The following LZTFL1 variants were observed in gnomAD, a reference collection of about 807,000 sequenced individuals.
LZTFL1 encodes the protein leucine zipper transcription factor like 1, also known as leucine zipper transcription factor-like protein 1.
Under a neutral mutation model 45.9 loss-of-function variants are expected in LZTFL1, and 25 were observed. That is an observed-to-expected ratio of 0.54 (90% CI 0.40 to 0.76). The LOEUF is 0.76. LZTFL1 is among the 30% of genes least tolerant of loss of function. The pLI, the probability that LZTFL1 is intolerant of heterozygous loss-of-function variation, is 0.00. For missense variants in LZTFL1, 277 were observed against 331.1 expected (o/e 0.84, Z 1.27); for synonymous variants, 93 against 117.4 (o/e 0.79, Z 1.35).
intron 3 of LZTFL1, among the ~76,000 whole-genome samples, chr3:45,855,554 C>A (rs1448688336): frequency 6.6e-6 from 1 of 152,130 alleles, no homozygotes; most frequent in Non-Finnish European, 1.5e-5. Flanking sequence ...TATTGGAAGT[C>A]CTGGACAGGA....
chr3:45,893,673 A>G (rs1702261028), intron 2 of LZTFL1, among the ~76,000 whole-genome samples: 1 of 152,222 alleles, frequency 6.6e-6, no homozygotes, highest in African/African-American at 2.4e-5. Flanking sequence ...TTTCACAGTT[A>G]ACTTATCCAT....
intron 3 of LZTFL1, 131 bp downstream of exon 3, chr3:45,835,459 G>A (rs1700940875): frequency 1.3e-6 from 1 of 741,928 alleles, no homozygotes; most frequent in Non-Finnish European, 2.3e-6. Context: ...GTGACTCAAT[G>A]CTTTGCTGTT....
chr3:45,897,706 C>A, intron 2 of LZTFL1: 3 of 1,099,216 alleles, frequency 2.7e-6, no homozygotes, highest in South Asian at 1.5e-5. Context: ...GAACCAAAGT[C>A]GTCCCTTGTG....
intron 2 of LZTFL1, among the ~76,000 whole-genome samples, chr3:45,884,638 C>A (rs1371232219): frequency 6.6e-6 from 1 of 152,146 alleles, no homozygotes; most frequent in Non-Finnish European, 1.5e-5. Flanking sequence ...TAGGGGCAAG[C>A]AGTGTCTACC....
chr3:45,882,140 A>G lies in LZTFL1; in HGVS notation c.-214-23124T>C, dbSNP rs190126616. On this transcript the variant is annotated intron_variant, in intron 2 of 4. Coordinates refer to the LZTFL1 transcript ENST00000472635. The stretch of plus-strand genomic sequence containing the variant: ...GACTTATATCAGGTGAATTTTTTGC[A>G]TTAATTTAGTCAGAAGATGTTTAAT... Among the ~76,000 whole-genome samples, 333 of 152,318 alleles carry G rather than the reference A, an allele frequency of 2.2e-3. 3 individuals are homozygous for G. The highest frequency in any genetic ancestry group is 1.2e-3 in the Non-Finnish European group (85 of 68,022).
At chr3:45,853,513 C>G (rs1701339099) in intron 4 of LZTFL1, among the ~76,000 whole-genome samples, 1 of 152,148 alleles carries the variant, frequency 6.6e-6, no homozygotes, top group Admixed American at 6.6e-5. Context: ...CAAAAAGATT[C>G]TAAGCTCTCA....
At chr3:45,841,083 G>A (rs1273793346) in intron 1 of LZTFL1, among the ~76,000 whole-genome samples, 1 of 152,206 alleles carries the variant, frequency 6.6e-6, no homozygotes, top group Non-Finnish European at 1.5e-5. Context: ...TTTTCAACGT[G>A]TTCTCCTGAT....
At chr3:45,915,063 A>C (rs1199510180) in intron 1 of LZTFL1, among the ~76,000 whole-genome samples, 2 of 152,146 alleles carry the variant, frequency 1.3e-5, no homozygotes, top group African/African-American at 4.8e-5. Flanking sequence ...CAGAGGAACA[A>C]ACCGGCTTGT....
At chr3:45,903,617 G>A (rs1220403558) in intron 2 of LZTFL1, among the ~76,000 whole-genome samples, 1 of 152,120 alleles carries the variant, frequency 6.6e-6, no homozygotes. Context: ...TTTTCTCCCT[G>A]CCCACTTCTA....
chr3:45,833,224 T>C (rs1489196334), intron 4 of LZTFL1, 103 bp from the exon 5 acceptor site: 2 of 772,814 alleles, frequency 2.6e-6, no homozygotes, highest in African/African-American at 1.7e-5. Context: ...TATATAAACA[T>C]ATTCACTGCG....
intron 5 of LZTFL1, 95 bp downstream of exon 5, chr3:45,832,955 A>C (rs1259406314): frequency 1.2e-5 from 11 of 885,860 alleles, no homozygotes; most frequent in Middle Eastern, 2.2e-4. Flanking sequence ...TTATCCTCAG[A>C]GGACCTGAAA....
At chr3:45,908,152 T>G (rs1242786548) in intron 2 of LZTFL1, among the ~76,000 whole-genome samples, 2 of 152,092 alleles carry the variant, frequency 1.3e-5, no homozygotes, top group Non-Finnish European at 2.9e-5. Context: ...TGGGTTTGCT[T>G]GAACAGTGGA....
intron 2 of LZTFL1, among the ~76,000 whole-genome samples, chr3:45,887,838 A>C (rs1702029421): frequency 6.6e-6 from 1 of 152,240 alleles, no homozygotes; most frequent in Non-Finnish European, 1.5e-5. Context: ...GATCTGATAG[A>C]TGGCTCAGAG....
chr3:45,889,642 A>G (rs1438546272), intron 2 of LZTFL1, among the ~76,000 whole-genome samples: 1 of 152,070 alleles, frequency 6.6e-6, no homozygotes, highest in East Asian at 1.9e-4. Flanking sequence ...TCCTTCCAGA[A>G]AATGTTTCGG....
At chr3:45,866,496 C>G (rs966473411) in intron 2 of LZTFL1, among the ~76,000 whole-genome samples, 1 of 152,302 alleles carries the variant, frequency 6.6e-6, no homozygotes, top group Admixed American at 6.5e-5. Context: ...GATTCACCAG[C>G]CGTATTCACA....
intron 2 of LZTFL1, among the ~76,000 whole-genome samples, chr3:45,892,448 AT>A (rs1702212782): frequency 6.6e-6 from 1 of 152,196 alleles, no homozygotes; most frequent in African/African-American, 2.4e-5. Context: ...TCCTAAGTGA[AT>A]TAACACAGAA....
At chr3:45,851,673 T>A (rs1475331538) in intron 4 of LZTFL1, among the ~76,000 whole-genome samples, 1 of 152,078 alleles carries the variant, frequency 6.6e-6, no homozygotes, top group Non-Finnish European at 1.5e-5. Flanking sequence ...TTTAATATAC[T>A]GATGGATTCC....
intron 7 of LZTFL1, 109 bp from the exon 8 acceptor site, chr3:45,828,724 G>T: frequency 1.0e-6 from 1 of 974,350 alleles, no homozygotes. Context: ...TGTATGTTTT[G>T]TGTGCATGCC....
intron 1 of LZTFL1, among the ~76,000 whole-genome samples, chr3:45,914,975 C>T (rs1332397710): frequency 6.6e-6 from 1 of 152,126 alleles, no homozygotes; most frequent in African/African-American, 2.4e-5. Context: ...TGGACTGAGG[C>T]TGCTGCCCCT....
Sources: gnomAD v4.1 joint callset for allele counts (sites outside exome capture counted in the v4.1 genomes callset) on GRCh38, gnomAD v4.1.1 for gene constraint, MANE v1.5 for transcripts, NCBI Gene and HGNC (gene_info 2026-07-23, HGNC 2026-07-21) for gene names.